Variants in IGF1 observed in about 807,000 individuals in gnomAD.
The protein encoded by IGF1 is insulin-like growth factor 1.
A neutral mutation model predicts 13.8 loss-of-function variants in IGF1; 4 were observed. The observed-to-expected ratio is 0.29, with a 90% CI of 0.14 to 0.66. The LOEUF is 0.66. IGF1 is among the 30% of genes least tolerant of loss of function. The pLI, the probability that IGF1 is intolerant of heterozygous loss-of-function variation, is 0.78. For synonymous variants in IGF1, 76 were observed against 72.6 expected (o/e 1.05, Z -0.23); for missense variants, 124 against 188.5 (o/e 0.66, Z 2.00).
intron 3 of IGF1, among the ~76,000 whole-genome samples, chr12:102,411,887 G>A (rs1874675379): frequency 6.6e-6 from 1 of 152,156 alleles, no homozygotes; most frequent in African/African-American, 2.4e-5. Context: ...TGGTAGAAGA[G>A]GCATTTGATG....
intron 2 of IGF1, among the ~76,000 whole-genome samples, chr12:102,453,918 A>G (rs1879164924): frequency 6.6e-6 from 1 of 152,218 alleles, no homozygotes; most frequent in African/African-American, 2.4e-5. Flanking sequence ...CCTATTTCAC[A>G]GAGTTGTTTG....
chr12:102,409,906 A>G (rs1874486030), intron 3 of IGF1, among the ~76,000 whole-genome samples: 1 of 152,198 alleles, frequency 6.6e-6, no homozygotes, highest in Non-Finnish European at 1.5e-5. Context: ...ACTATTGTCA[A>G]AGCAGTTTGC....
In IGF1 at chr12:102,452,969, GA is replaced by G. The variant is rs755402299; in HGVS notation, c.220+22673del. Among the ~76,000 whole-genome samples the G allele has an allele frequency of 2.4e-3, 360 of 150,702 alleles. 2 individuals carry two copies. The highest frequency in any genetic ancestry group is 3.9e-3 in the Non-Finnish European group (263 of 67,584). ...GTGAAAACTTGTGACTTCAATATGA[GA>G]AAAAAAAAGGCTTTAATTAAATTGG... On this transcript the variant is annotated intron_variant, in intron 2 of 3. Coordinates refer to ENST00000337514, the MANE Select transcript of IGF1 (RefSeq NM_000618.5).
chr12:102,410,858 T>C (rs528165041), intron 3 of IGF1, among the ~76,000 whole-genome samples: 2 of 152,316 alleles, frequency 1.3e-5, no homozygotes, highest in South Asian at 4.1e-4. Context: ...ACTTTTAGGA[T>C]GAACAAAATA....
chr12:102,446,716 A>T (rs145886860), intron 2 of IGF1, among the ~76,000 whole-genome samples: 1 of 152,008 alleles, frequency 6.6e-6, no homozygotes, highest in Non-Finnish European at 1.5e-5. Flanking sequence ...TCATGTCTCT[A>T]TCTCTTTCAG....
chr12:102,475,601 A>C (rs1880968667), intron 2 of IGF1, 42 bp downstream of exon 2: 1 of 1,610,172 alleles, frequency 6.2e-7, no homozygotes, highest in Non-Finnish European at 8.5e-7. Context: ...AGAGCTGTAC[A>C]CTTTAGACTT....
At chr12:102,408,177 G>A (rs1874328202) in intron 3 of IGF1, among the ~76,000 whole-genome samples, 1 of 152,212 alleles carries the variant, frequency 6.6e-6, no homozygotes, top group South Asian at 2.1e-4. Context: ...GAAGAAAAGA[G>A]CAGTGGATGA....
intron 2 of IGF1, among the ~76,000 whole-genome samples, chr12:102,453,427 G>A (rs1304882517): frequency 6.6e-6 from 1 of 152,174 alleles, no homozygotes; most frequent in Non-Finnish European, 1.5e-5. Context: ...TTATACTCAG[G>A]CAATGTTAAT....
chr12:102,436,149 TAAC>T (rs1232918868), intron 2 of IGF1, among the ~76,000 whole-genome samples: 1 of 152,198 alleles, frequency 6.6e-6, no homozygotes, highest in Non-Finnish European at 1.5e-5. Flanking sequence ...CCCTTCAAAG[TAAC>T]AAACTGAACT....
intron 2 of IGF1, among the ~76,000 whole-genome samples, chr12:102,424,678 T>C (rs1876040137): frequency 6.6e-6 from 1 of 152,186 alleles, no homozygotes; most frequent in South Asian, 2.1e-4. Context: ...ACTATTTTCA[T>C]TTGTGGAAAA....
At chr12:102,410,472 C>G (rs1874543676) in intron 3 of IGF1, among the ~76,000 whole-genome samples, 2 of 152,298 alleles carry the variant, frequency 1.3e-5, no homozygotes, top group South Asian at 4.2e-4. Context: ...CAGATTCTAG[C>G]AATTTTGCTG....
chr12:102,431,612 G>C (rs1876744081), intron 2 of IGF1, among the ~76,000 whole-genome samples: 1 of 152,116 alleles, frequency 6.6e-6, no homozygotes, highest in African/African-American at 2.4e-5. Flanking sequence ...GCAAAGCCAG[G>C]TCACCTTACT....
chr12:102,421,666 G>C (rs911627515), intron 2 of IGF1, among the ~76,000 whole-genome samples: 2 of 152,202 alleles, frequency 1.3e-5, no homozygotes, highest in Non-Finnish European at 2.9e-5. Flanking sequence ...ATGGTAACTT[G>C]ATGTTTGGGG....
At chr12:102,404,553 C>T (rs1315192292) in intron 3 of IGF1, among the ~76,000 whole-genome samples, 1 of 152,036 alleles carries the variant, frequency 6.6e-6, no homozygotes, top group Non-Finnish European at 1.5e-5. Context: ...TAAAAACATT[C>T]ACTAAAATAG....
At chr12:102,441,906 G>GCTGCTGCTGCTTCTTCTTCCTCTTCTT in intron 2 of IGF1, among the ~76,000 whole-genome samples, 1 of 100,292 alleles carries the variant, frequency 1.0e-5, no homozygotes, top group South Asian at 3.3e-4. Context: ...CTATTACACT[G>GCTGCTGCTGCTTCTTCTTCCTCTTCTT]CTTCTTCTCC....
At chr12:102,416,116 G>A (rs1875118325) in intron 3 of IGF1, among the ~76,000 whole-genome samples, 1 of 152,180 alleles carries the variant, frequency 6.6e-6, no homozygotes, top group South Asian at 2.1e-4. Flanking sequence ...GCAGAGGCAT[G>A]GAGGACCAGG....
chr12:102,458,007 C>T (rs969777220), intron 2 of IGF1, among the ~76,000 whole-genome samples: 3 of 152,076 alleles, frequency 2.0e-5, no homozygotes, highest in African/African-American at 7.2e-5. Context: ...AAAATAATGA[C>T]TTTCTTCTTC....
At chr12:102,433,938 T>C (rs543449722) in intron 2 of IGF1, among the ~76,000 whole-genome samples, 1 of 152,292 alleles carries the variant, frequency 6.6e-6, no homozygotes, top group South Asian at 2.1e-4. Context: ...ACTCCCAGAA[T>C]GTCATCTCAC....
At position 102,410,766 on chromosome 12, in the gene IGF1, G is replaced by A. The variant is rs114304103; in HGVS notation, c.403-8200C>T. ...TTCCTTGTGTGTGTGACAAATCTGG[G>A]CAGAACATTCAAATGCTGTGTTCTG... On this transcript the variant is annotated intron_variant, in intron 3 of 3. Coordinates refer to ENST00000337514, the MANE Select transcript of IGF1 (RefSeq NM_000618.5). 4.9e-3 allele frequency among the ~76,000 whole-genome samples: 742 copies of A among 152,318 alleles called. 7 individuals carry two copies. Among genetic ancestry groups the A allele is most frequent in the African/African-American group, 0.017 (696 of 41,572 alleles).
Sources: gnomAD v4.1 joint callset for allele counts (sites outside exome capture counted in the v4.1 genomes callset) on GRCh38, gnomAD v4.1.1 for gene constraint, MANE v1.5 for transcripts, NCBI Gene and HGNC (gene_info 2026-07-23, HGNC 2026-07-21) for gene names.